Variants in IQGAP2 observed in about 807,000 individuals in gnomAD.
IQGAP2 encodes ras GTPase-activating-like protein IQGAP2.
A neutral mutation model predicts 201.3 loss-of-function variants in IQGAP2; 173 were observed. That is an observed-to-expected ratio of 0.86 (90% CI 0.76 to 0.98). The LOEUF is 0.98. Ranked by LOEUF, IQGAP2 falls within the 50% of genes least tolerant of loss-of-function variation. The probability of loss-of-function intolerance (pLI) is 0.00; values close to 1 mark genes in which losing one functional copy is unlikely to be tolerated. For synonymous variants in IQGAP2, 675 were observed against 673.9 expected (o/e 1.00, Z -0.03); for missense variants, 1,687 against 1,864.8 (o/e 0.90, Z 1.76).
chr5:76,461,491 A>AT (rs1180649323), intron 1 of IQGAP2, 79 bp from the exon 2 acceptor site: 16 of 936,190 alleles, frequency 1.7e-5, no homozygotes, highest in East Asian at 5.0e-5. Context: ...GCTGCATATG[A>AT]TTTTTTTCTG....
intron 5 of IQGAP2, among the ~76,000 whole-genome samples, chr5:76,577,661 T>C (rs1490674382): frequency 6.6e-6 from 1 of 152,220 alleles, no homozygotes; most frequent in African/African-American, 2.4e-5. Context: ...TGCTATGATT[T>C]AAAATGCAGT....
intron 2 of IQGAP2, among the ~76,000 whole-genome samples, chr5:76,550,914 C>G (rs1369501283): frequency 6.6e-6 from 1 of 152,164 alleles, no homozygotes; most frequent in Non-Finnish European, 1.5e-5. Context: ...CTCCTCACTT[C>G]CCACACGGGG....
At chr5:76,525,034 G>C (rs1258051133) in intron 2 of IQGAP2, among the ~76,000 whole-genome samples, 1 of 152,178 alleles carries the variant, frequency 6.6e-6, no homozygotes, top group African/African-American at 2.4e-5. Context: ...ATGCGAGTCT[G>C]GTGTGGTGTT....
chr5:76,436,938 C>T (rs1752742952), intron 1 of IQGAP2, among the ~76,000 whole-genome samples: 1 of 151,746 alleles, frequency 6.6e-6, no homozygotes. Context: ...TGTATACATA[C>T]ATTTATATGT....
At chr5:76,509,448 G>A (rs1170882346) in intron 2 of IQGAP2, among the ~76,000 whole-genome samples, 9 of 151,490 alleles carry the variant, frequency 5.9e-5, no homozygotes, top group Non-Finnish European at 1.2e-4. Context: ...CCAGGCTGGA[G>A]TGTAGTGGTG....
intron 2 of IQGAP2, among the ~76,000 whole-genome samples, chr5:76,553,307 T>C (rs1364189251): frequency 6.6e-6 from 1 of 152,230 alleles, no homozygotes; most frequent in African/African-American, 2.4e-5. Flanking sequence ...TGCTGATTTT[T>C]AAAATATTAA....
chr5:76,608,144 G>C (rs1473242290), intron 12 of IQGAP2: 1 of 152,144 alleles, frequency 6.6e-6, no homozygotes. Flanking sequence ...TTTGTAAGTA[G>C]ATATTATTTT....
intron 2 of IQGAP2, among the ~76,000 whole-genome samples, chr5:76,505,303 A>G (rs1757551062): frequency 6.6e-6 from 1 of 152,190 alleles, no homozygotes; most frequent in Non-Finnish European, 1.5e-5. Flanking sequence ...ATCTCATTTA[A>G]TCCAGGAAAC....
chr5:76,626,893 A>G (rs990114293), intron 13 of IQGAP2, among the ~76,000 whole-genome samples: 4 of 152,166 alleles, frequency 2.6e-5, no homozygotes, highest in Non-Finnish European at 5.9e-5. Flanking sequence ...GTGGTCTGAA[A>G]GAGACTCGTG....
chr5:76,618,250 G>A (rs762944161), intron 13 of IQGAP2: 1 of 1,614,192 alleles, frequency 6.2e-7, no homozygotes, highest in Admixed American at 1.7e-5. Context: ...CCATTGAGAT[G>A]ATAAGCTATC....
At chr5:76,478,461 C>T (rs967651272) in intron 2 of IQGAP2, among the ~76,000 whole-genome samples, 6 of 152,106 alleles carry the variant, frequency 3.9e-5, no homozygotes, top group Non-Finnish European at 8.8e-5. Context: ...CAGTAGTGTA[C>T]GGTAATGTCC....
intron 13 of IQGAP2, chr5:76,618,666 C>T: frequency 2.6e-6 from 4 of 1,552,700 alleles, no homozygotes; most frequent in Non-Finnish European, 2.7e-6. Flanking sequence ...AAAGTATTAA[C>T]ATAAATGTAT....
Position 76,674,710 on chromosome 5 carries a change from G to C in IQGAP2, c.3527+1G>C, listed in dbSNP as rs754572832. 5.6e-6 allele frequency: 9 copies of C among 1,595,250 alleles called. No homozygotes were observed. The highest frequency in any genetic ancestry group is 7.7e-6 in the Non-Finnish European group (9 of 1,163,060). On this transcript the variant is annotated splice_donor_variant, in intron 27 of 35. Transcript: ENST00000274364. LOFTEE classifies it high-confidence loss of function. ...TATCAGAGACGTATCAGGAATTCAG[G>C]TGAGAGGGGCCCTTAGTTTTGGAGA...
At chr5:76,490,082 C>G (rs1756445322) in intron 2 of IQGAP2, among the ~76,000 whole-genome samples, 1 of 152,242 alleles carries the variant, frequency 6.6e-6, no homozygotes, top group East Asian at 1.9e-4. Context: ...TAACAATTCA[C>G]TCTAAGCAGT....
chr5:76,613,594 A>G (rs1748600048), intron 13 of IQGAP2, among the ~76,000 whole-genome samples: 1 of 152,196 alleles, frequency 6.6e-6, no homozygotes. Flanking sequence ...AGCATTTAGC[A>G]TGGAGCCTGG....
intron 15 of IQGAP2, among the ~76,000 whole-genome samples, chr5:76,633,843 A>G (rs1369112413): frequency 6.6e-6 from 1 of 152,144 alleles, no homozygotes; most frequent in Non-Finnish European, 1.5e-5. Flanking sequence ...GAGTTCATTC[A>G]TGTAGCATTA....
chr5:76,695,021 G>A (rs1416885762), intron 31 of IQGAP2, among the ~76,000 whole-genome samples: 1 of 152,164 alleles, frequency 6.6e-6, no homozygotes, highest in Admixed American at 6.5e-5. Context: ...GTTTAGTTTA[G>A]GACTCTCCAT....
At chr5:76,411,103 CAG>C (rs1751087417) in intron 1 of IQGAP2, among the ~76,000 whole-genome samples, 1 of 152,198 alleles carries the variant, frequency 6.6e-6, no homozygotes, top group Admixed American at 6.5e-5. Flanking sequence ...CCTGCCAAAT[CAG>C]AAAGCCTGTG....
intron 11 of IQGAP2, among the ~76,000 whole-genome samples, chr5:76,603,183 C>T (rs940551465): frequency 3.3e-5 from 5 of 152,154 alleles, no homozygotes; most frequent in Admixed American, 1.3e-4. Flanking sequence ...TGTTCCTATG[C>T]GTGGTCCTCT....
Sources: allele counts gnomAD v4.1 joint callset (sites outside exome capture counted in the v4.1 genomes callset), GRCh38; gene constraint gnomAD v4.1.1; transcripts MANE v1.5; gene names NCBI Gene and HGNC (gene_info 2026-07-23, HGNC 2026-07-21).